Variants in GLIS3 observed in about 807,000 individuals in gnomAD.
GLIS3 encodes GLIS family zinc finger 3, also known as zinc finger protein GLIS3.
In GLIS3, 53 loss-of-function variants were observed where a neutral mutation model predicts 78.6. The ratio of observed to expected loss-of-function variants is 0.67; its 90% CI spans 0.54 to 0.85. The LOEUF is 0.85. Among genes scored for constraint, GLIS3 ranks in the 40% least tolerant of loss-of-function variants. The probability of loss-of-function intolerance (pLI) is 0.00; values close to 1 mark genes in which losing one functional copy is unlikely to be tolerated. For missense variants in GLIS3, 1,703 were observed against 1,231.1 expected, an observed-to-expected ratio of 1.38 and a Z score of -5.74; for synonymous variants, 684 against 509.9, an observed-to-expected ratio of 1.34 and a Z score of -4.60.
the GLIS3 span, among the ~76,000 whole-genome samples, chr9:4,367,026 C>T: frequency 6.6e-6 from 1 of 152,204 alleles, no homozygotes; most frequent in Non-Finnish European, 1.5e-5. Flanking sequence ...GCAATCCTAT[C>T]AGCCTATTTG....
intron 4 of GLIS3, among the ~76,000 whole-genome samples, chr9:4,076,140 CCAA>C (rs1181389166): frequency 6.6e-6 from 1 of 151,904 alleles, no homozygotes; most frequent in Non-Finnish European, 1.5e-5. Context: ...AAATTATAGC[CCAA>C]CAAGTTGATT....
At chr9:4,325,365 T>C (rs1490194379) in intron 2 of GLIS3, among the ~76,000 whole-genome samples, 1 of 152,206 alleles carries the variant, frequency 6.6e-6, no homozygotes, top group Non-Finnish European at 1.5e-5. Flanking sequence ...GAAAATGTGC[T>C]AGGGCATAAT....
the GLIS3 span, among the ~76,000 whole-genome samples, chr9:4,418,322 A>T: frequency 6.6e-6 from 1 of 152,238 alleles, no homozygotes; most frequent in African/African-American, 2.4e-5. Context: ...GGAGGGAAAG[A>T]TAGACATGCA....
At chr9:3,920,788 T>C (rs1032648160) in intron 6 of GLIS3, among the ~76,000 whole-genome samples, 16 of 152,326 alleles carry the variant, frequency 1.1e-4, no homozygotes, top group African/African-American at 3.8e-4. Context: ...ATTCAAAGTC[T>C]ACGATGGGTA....
At chr9:4,198,128 C>G (rs144855580) in intron 2 of GLIS3, among the ~76,000 whole-genome samples, 149 of 152,242 alleles carry the variant, frequency 9.8e-4, no homozygotes, top group African/African-American at 3.3e-3. Context: ...AAGAATAACA[C>G]TAACTCTCCA....
chr9:4,384,881 G>A, the GLIS3 span, among the ~76,000 whole-genome samples: 1 of 152,036 alleles, frequency 6.6e-6, no homozygotes, highest in Non-Finnish European at 1.5e-5. Context: ...TCCAAACTGG[G>A]AACCTGGAGC....
rs183609557 is a variant in GLIS3, at chr9:3,872,641, C to G, written c.2297+6786G>C. Among the ~76,000 whole-genome samples the G allele has an allele frequency of 5.5e-3, 830 of 152,212 alleles. 6 individuals are homozygous for G. Among genetic ancestry groups the G allele is most frequent in the Non-Finnish European group, 7.1e-3 (483 of 68,016 alleles). ...AGACAACAGTATGGGGGAAACCATCCCGATGATTCAATTATCTCCCAACAG... is the reference window on the plus strand; with the variant it reads ...AGACAACAGTATGGGGGAAACCATCGCGATGATTCAATTATCTCCCAACAG... On this transcript the variant is annotated intron_variant, in intron 8 of 10. Coordinates refer to ENST00000381971, the MANE Select transcript of GLIS3 (RefSeq NM_001042413.2).
At chr9:4,345,561 C>T (rs1817886999) in intron 2 of GLIS3, among the ~76,000 whole-genome samples, 1 of 152,142 alleles carries the variant, frequency 6.6e-6, no homozygotes, top group Non-Finnish European at 1.5e-5. Context: ...TTTTGGCCTG[C>T]AGAGGAAGAA....
At chr9:4,414,995 T>C in the GLIS3 span, among the ~76,000 whole-genome samples, 4 of 152,236 alleles carry the variant, frequency 2.6e-5, no homozygotes, top group Non-Finnish European at 5.9e-5. Context: ...CCTAGTTCTA[T>C]ACAGAGTTCT....
chr9:4,013,328 C>T (rs1822185428), intron 4 of GLIS3, among the ~76,000 whole-genome samples: 1 of 152,106 alleles, frequency 6.6e-6, no homozygotes, highest in African/African-American at 2.4e-5. Flanking sequence ...TCTCTGTCTT[C>T]CTTGTATATT....
chr9:3,830,961 T>C (rs540826645), intron 9 of GLIS3, among the ~76,000 whole-genome samples: 1 of 152,294 alleles, frequency 6.6e-6, no homozygotes, highest in East Asian at 1.9e-4. Flanking sequence ...GGGAGGCCTA[T>C]TCTATGGTTG....
At chr9:3,953,591 T>C (rs1406904543) in intron 4 of GLIS3, among the ~76,000 whole-genome samples, 1 of 152,234 alleles carries the variant, frequency 6.6e-6, no homozygotes, top group Non-Finnish European at 1.5e-5. Context: ...TATTTCTTTG[T>C]ACAAATGGTT....
At chr9:3,857,202 CAAA>C (rs1255116918) in intron 8 of GLIS3, among the ~76,000 whole-genome samples, 1 of 152,186 alleles carries the variant, frequency 6.6e-6, no homozygotes, top group East Asian at 1.9e-4. Context: ...TTAGTTTCCT[CAAA>C]AAGTCCCAGT....
intron 3 of GLIS3, among the ~76,000 whole-genome samples, chr9:4,120,588 C>T (rs1038390963): frequency 7.9e-5 from 12 of 152,316 alleles, no homozygotes; most frequent in Middle Eastern, 3.4e-3. Context: ...GCCTTTTGGT[C>T]TCTTCCCCAG....
chr9:4,393,008 A>G, the GLIS3 span, among the ~76,000 whole-genome samples: 1 of 152,032 alleles, frequency 6.6e-6, no homozygotes, highest in Non-Finnish European at 1.5e-5. Flanking sequence ...CGATCCCCCA[A>G]TCCCACTTTG....
chr9:4,121,331 G>A (rs961901006), intron 3 of GLIS3, among the ~76,000 whole-genome samples: 1 of 152,148 alleles, frequency 6.6e-6, no homozygotes, highest in Non-Finnish European at 1.5e-5. Context: ...GCATCTGTGG[G>A]TGTTATATTC....
chr9:4,020,517 T>C (rs1405606719), intron 4 of GLIS3, among the ~76,000 whole-genome samples: 1 of 152,208 alleles, frequency 6.6e-6, no homozygotes, highest in Non-Finnish European at 1.5e-5. Context: ...TATAAGAGCA[T>C]GATGTGTTTT....
intron 4 of GLIS3, among the ~76,000 whole-genome samples, chr9:4,070,071 A>G (rs1032675367): frequency 2.1e-4 from 32 of 152,122 alleles, no homozygotes; most frequent in African/African-American, 4.3e-4. Flanking sequence ...CTGTAATCAA[A>G]ATACTCAAGT....
the GLIS3 span, among the ~76,000 whole-genome samples, chr9:4,388,973 A>G: frequency 0.011 from 1,691 of 152,254 alleles, 34 homozygotes; most frequent in African/African-American, 0.038. Context: ...GGGATAGGGT[A>G]GGGGTACCAA....
Sources: allele counts gnomAD v4.1 joint callset (sites outside exome capture counted in the v4.1 genomes callset), GRCh38; gene constraint gnomAD v4.1.1; transcripts MANE v1.5; gene names NCBI Gene and HGNC (gene_info 2026-07-23, HGNC 2026-07-21).